The following EML1 variants were observed in gnomAD, a reference collection of about 807,000 sequenced individuals.
EML1 encodes echinoderm microtubule-associated protein-like 1.
In EML1, 27 loss-of-function variants were observed where a neutral mutation model predicts 110.4. The ratio of observed to expected loss-of-function variants is 0.24; its 90% confidence interval spans 0.18 to 0.34. The LOEUF (loss-of-function observed/expected upper bound fraction) is 0.34, where lower values mean the gene tolerates loss of function less well. EML1 is among the 10% of genes least tolerant of loss of function. EML1 has a pLI of 1.00. For missense variants in EML1, 741 were observed against 1,030.9 expected (o/e 0.72, Z 3.85); for synonymous variants, 344 against 385.8 (o/e 0.89, Z 1.27).
intron 1 of EML1, among the ~76,000 whole-genome samples, chr14:99,799,813 A>G (rs999168354): frequency 2.0e-5 from 3 of 152,248 alleles, no homozygotes; most frequent in Non-Finnish European, 4.4e-5. Context: ...GAGGAGAAAT[A>G]ACATCTTTGT....
intron 1 of EML1, among the ~76,000 whole-genome samples, chr14:99,759,817 A>G (rs563834428): frequency 6.6e-6 from 1 of 152,314 alleles, no homozygotes; most frequent in South Asian, 2.1e-4. Flanking sequence ...TCATGCATCA[A>G]GAGCTGTGAG....
chr14:99,872,358 A>T (rs1191122), intron 3 of EML1, among the ~76,000 whole-genome samples: 48,854 of 152,064 alleles, frequency 0.32, 8,320 homozygotes, highest in South Asian at 0.49. Context: ...AATTATGCTT[A>T]GTAGCCATCG....
At position 99,905,326 on chromosome 14, in the gene EML1, C is replaced by T. The variant is rs762135477; in HGVS notation, c.1009-2312C>T. On this transcript the variant is annotated intron_variant, in intron 9 of 21. Coordinates refer to ENST00000262233, the MANE Select transcript of EML1 (RefSeq NM_004434.3). The surrounding 1 kb of genome is among the most constrained non-coding windows in gnomAD (Gnocchi z 4.1). The stretch of plus-strand genomic sequence containing the variant: ...CAGACATGCCCCTGGTCGGCCCCAT[C>T]GTTGTTAATCCAGCCTCCAACCAGG... Among the ~76,000 whole-genome samples the T allele has an allele frequency of 2.0e-5, 3 of 152,228 alleles. No homozygotes were observed. The highest frequency in any genetic ancestry group is 4.4e-5 in the Non-Finnish European group (3 of 68,050).
chr14:99,811,173 T>C (rs2058072605), intron 1 of EML1, among the ~76,000 whole-genome samples: 1 of 151,896 alleles, frequency 6.6e-6, no homozygotes, highest in African/African-American at 2.4e-5. Flanking sequence ...GGGGTTTTTT[T>C]TTTGTTTTTT....
chr14:99,918,251 C>T (rs1215216220), intron 16 of EML1, among the ~76,000 whole-genome samples: 1 of 152,230 alleles, frequency 6.6e-6, no homozygotes, highest in East Asian at 1.9e-4. Flanking sequence ...GCATGCACTG[C>T]CATGCTCAAC....
intron 4 of EML1, among the ~76,000 whole-genome samples, chr14:99,882,278 A>G (rs1327483247): frequency 6.6e-6 from 1 of 152,210 alleles, no homozygotes; most frequent in Non-Finnish European, 1.5e-5. Context: ...GATATTTTTC[A>G]ATTAAAAAAG....
chr14:99,938,151 C>T (rs1452382180), intron 20 of EML1, among the ~76,000 whole-genome samples: 1 of 152,108 alleles, frequency 6.6e-6, no homozygotes, highest in African/African-American at 2.4e-5. Flanking sequence ...TACAGGGCAG[C>T]AGGTCCTAAG....
chr14:99,931,545 C>T (rs147402185), intron 17 of EML1, among the ~76,000 whole-genome samples: 2 of 152,280 alleles, frequency 1.3e-5, no homozygotes, highest in East Asian at 3.9e-4. Context: ...AGTTCTCCAG[C>T]TGATTTTCAT....
intron 9 of EML1, 21 bp from the exon 10 acceptor site, chr14:99,907,617 T>C (rs1217966140): frequency 6.2e-7 from 1 of 1,607,362 alleles, no homozygotes; most frequent in Non-Finnish European, 8.5e-7. Flanking sequence ...ATAGTCTTCC[T>C]GTGAATAACT....
chr14:99,775,010 T>TA (rs950691923), intron 1 of EML1, among the ~76,000 whole-genome samples: 15 of 151,836 alleles, frequency 9.9e-5, no homozygotes, highest in East Asian at 9.7e-4. Flanking sequence ...CTTTTCTGTT[T>TA]AAAAAAAAAT....
intron 1 of EML1, among the ~76,000 whole-genome samples, chr14:99,777,247 T>TA (rs113028244): frequency 0.057 from 8,513 of 148,716 alleles, 649 homozygotes; most frequent in African/African-American, 0.18. Context: ...TGCACGTACT[T>TA]AAAAAAAAAA....
intron 1 of EML1, among the ~76,000 whole-genome samples, chr14:99,808,761 A>C (rs2058023614): frequency 6.6e-6 from 1 of 152,140 alleles, no homozygotes; most frequent in Non-Finnish European, 1.5e-5. Context: ...GAGTAATTTC[A>C]ACACACTCTA....
intron 1 of EML1, among the ~76,000 whole-genome samples, chr14:99,752,895 C>T (rs1198286092): frequency 6.6e-6 from 1 of 152,000 alleles, no homozygotes; most frequent in Non-Finnish European, 1.5e-5. Context: ...AGGAAACAAA[C>T]GCTACACTGT....
chr14:99,844,606 T>G (rs1838094969), intron 1 of EML1, among the ~76,000 whole-genome samples: 2 of 152,362 alleles, frequency 1.3e-5, no homozygotes, highest in South Asian at 4.1e-4. Flanking sequence ...TCTATGTGTT[T>G]TAACAAAGTA....
chr14:99,813,550 A>G (rs1222471485), intron 1 of EML1, among the ~76,000 whole-genome samples: 2 of 152,068 alleles, frequency 1.3e-5, no homozygotes, highest in East Asian at 1.9e-4. Flanking sequence ...CCCGGTCTCT[A>G]TAAAAATTTA....
At chr14:99,808,260 G>C (rs2139704246) in intron 1 of EML1, among the ~76,000 whole-genome samples, 1 of 152,168 alleles carries the variant, frequency 6.6e-6, no homozygotes, top group East Asian at 1.9e-4. Flanking sequence ...CCCCTGCTCT[G>C]CACAGTGCCT....
chr14:99,757,641 G>A (rs1267832802), intron 1 of EML1, among the ~76,000 whole-genome samples: 1 of 152,178 alleles, frequency 6.6e-6, no homozygotes, highest in Non-Finnish European at 1.5e-5. Flanking sequence ...AGCAAGAAAC[G>A]CCAGATGGAG....
intron 4 of EML1, among the ~76,000 whole-genome samples, chr14:99,879,812 C>T (rs1045005661): frequency 2.6e-5 from 4 of 152,146 alleles, no homozygotes; most frequent in East Asian, 1.9e-4. Flanking sequence ...GGAGGTGCAA[C>T]GTAGCCCAAA....
chr14:99,874,053 T>C (rs529721526), intron 3 of EML1, among the ~76,000 whole-genome samples: 30 of 152,366 alleles, frequency 2.0e-4, no homozygotes, highest in African/African-American at 7.0e-4. Context: ...GGGATACTTT[T>C]GCAAAATTTT....
Sources: allele counts gnomAD v4.1 joint callset (sites outside exome capture counted in the v4.1 genomes callset), GRCh38; gene constraint gnomAD v4.1.1; non-coding constraint Gnocchi (gnomAD v3.1); transcripts MANE v1.5; gene names NCBI Gene and HGNC (gene_info 2026-07-23, HGNC 2026-07-21).